Variants in TAFA2 observed in about 807,000 individuals in gnomAD.
TAFA2 encodes TAFA chemokine like family member 2, also known as chemokine-like protein TAFA-2.
A neutral mutation model predicts 18.8 loss-of-function variants in TAFA2; 7 were observed. That is an observed-to-expected ratio of 0.37 (90% confidence interval 0.21 to 0.70). The LOEUF is 0.70. Ranked by LOEUF, TAFA2 falls within the 30% of genes least tolerant of loss-of-function variation. TAFA2 has a pLI of 0.53. For missense variants in TAFA2, 122 were observed against 158.1 expected (o/e 0.77, Z 1.23); for synonymous variants, 60 against 54.2 (o/e 1.11, Z -0.47).
intron 1 of TAFA2, among the ~76,000 whole-genome samples, chr12:62,162,525 A>G (rs2062413199): frequency 2.0e-5 from 3 of 152,186 alleles, no homozygotes; most frequent in African/African-American, 7.2e-5. Context: ...TTTAATGTTT[A>G]TTCAATAATA....
chr12:61,984,289 C>T (rs1208936668), intron 1 of TAFA2, among the ~76,000 whole-genome samples: 1 of 152,152 alleles, frequency 6.6e-6, no homozygotes, highest in Non-Finnish European at 1.5e-5. Flanking sequence ...AACAAGAGAG[C>T]CCAGTCCATG....
chr12:62,202,346 G>GT lies in TAFA2; in HGVS notation c.-130+56416dup, dbSNP rs547794206. Among the ~76,000 whole-genome samples, 1,270 of 144,062 alleles carry GT rather than the reference G, an allele frequency of 8.8e-3. 4 individuals are homozygous for GT. The highest frequency in any genetic ancestry group is 0.033 in the Middle Eastern group (9 of 274). 94.5% of individuals were successfully genotyped at this position (144,062 alleles called of 152,430 possible). A position where few individuals can be genotyped will look rare whatever the true frequency, so the allele number is the denominator to read the frequency against. On this transcript the variant is annotated intron_variant, in intron 1 of 5. Coordinates refer to the TAFA2 transcript ENST00000551619. Reference sequence around the variant, plus strand: ...TGATGTTAGATTTGAGATCTTTCTAGTTTTTTTTTTTTCTTTTTGAGACAG... The same window carrying GT: ...TGATGTTAGATTTGAGATCTTTCTAGTTTTTTTTTTTTTCTTTTTGAGACAG...
chr12:61,930,873 C>T (rs916573984), intron 1 of TAFA2, among the ~76,000 whole-genome samples: 6 of 152,210 alleles, frequency 3.9e-5, no homozygotes, highest in Non-Finnish European at 5.9e-5. Context: ...GGGATTAGCA[C>T]TTCCTTTGAT....
intron 1 of TAFA2, chr12:62,021,947 C>A: frequency 1.4e-6 from 1 of 714,902 alleles, no homozygotes; most frequent in Non-Finnish European, 2.6e-6. Context: ...CCATGGCAGG[C>A]CCTCCTCACA....
chr12:61,976,398 T>TA (rs1193447355), intron 1 of TAFA2, among the ~76,000 whole-genome samples: 1 of 151,876 alleles, frequency 6.6e-6, no homozygotes, highest in African/African-American at 2.4e-5. Flanking sequence ...GATTTCACAA[T>TA]ACATGATTGG....
intron 1 of TAFA2, among the ~76,000 whole-genome samples, chr12:61,939,630 T>C (rs1262615200): frequency 6.6e-6 from 1 of 152,238 alleles, no homozygotes; most frequent in African/African-American, 2.4e-5. Context: ...CTTCATATGC[T>C]TGTTTTGTGG....
At chr12:61,712,618 TA>T (rs1869465562) in intron 4 of TAFA2, among the ~76,000 whole-genome samples, 1 of 152,066 alleles carries the variant, frequency 6.6e-6, no homozygotes. Flanking sequence ...AAACAAAACT[TA>T]AACATGACTA....
At chr12:62,221,837 T>A (rs1007231578) in intron 1 of TAFA2, among the ~76,000 whole-genome samples, 7 of 151,982 alleles carry the variant, frequency 4.6e-5, no homozygotes, top group African/African-American at 1.5e-4. Context: ...ATCTAGTACA[T>A]TAAGGTAAAG....
intron 1 of TAFA2, among the ~76,000 whole-genome samples, chr12:62,022,772 A>C (rs1035387331): frequency 6.6e-6 from 1 of 152,178 alleles, no homozygotes. Context: ...ATAGTTACAT[A>C]ATCACTCGTT....
Position 61,784,411 on chromosome 12 carries a change from C to T in TAFA2, c.107-29387G>A, listed in dbSNP as rs569938983. Among the ~76,000 whole-genome samples the T allele has an allele frequency of 1.5e-3, 225 of 151,660 alleles. 2 individuals carry two copies. The highest frequency in any genetic ancestry group is 4.8e-3 in the African/African-American group (201 of 41,472). On this transcript the variant is annotated intron_variant, in intron 2 of 4. Transcript: ENST00000416284. ...AGAAGGTGTGAGGCATAATCCATCTCTCGTCCTCAGAGTGGCTCAGATCAG... is the reference window on the plus strand; with the variant it reads ...AGAAGGTGTGAGGCATAATCCATCTTTCGTCCTCAGAGTGGCTCAGATCAG...
chr12:62,217,227 TTGGG>T lies in TAFA2; in HGVS notation c.-130+41532_-130+41535del, dbSNP rs1565781492. Among the ~76,000 whole-genome samples the T allele has an allele frequency of 3.9e-5, 6 of 152,196 alleles. 1 individual carries two copies. The highest frequency in any genetic ancestry group is 1.4e-4 in the African/African-American group (6 of 41,444). ...GCCCTGCAGCAGGTACAGGGAGTAC[TTGGG>T]CCATATGATCCAGCAGACCTTTCAG... On this transcript the variant is annotated intron_variant, in intron 1 of 5. Coordinates refer to the TAFA2 transcript ENST00000551619.
intron 2 of TAFA2, among the ~76,000 whole-genome samples, chr12:61,759,406 C>T (rs1483117488): frequency 6.6e-6 from 1 of 150,452 alleles, no homozygotes; most frequent in Non-Finnish European, 1.5e-5. Context: ...TATATGGAAG[C>T]TTTAAGAGCT....
At chr12:62,030,025 T>A (rs1881415408) in intron 1 of TAFA2, among the ~76,000 whole-genome samples, 1 of 152,066 alleles carries the variant, frequency 6.6e-6, no homozygotes, top group Non-Finnish European at 1.5e-5. Context: ...CTCATGTAAA[T>A]AAGGAATAAT....
chr12:61,908,513 C>G (rs1366682231), intron 1 of TAFA2, among the ~76,000 whole-genome samples: 1 of 151,994 alleles, frequency 6.6e-6, no homozygotes, highest in African/African-American at 2.4e-5. Flanking sequence ...ATAAATTACC[C>G]CATCTCTCAG....
At chr12:62,257,471 C>A (rs2062946381) in intron 1 of TAFA2, among the ~76,000 whole-genome samples, 1 of 152,024 alleles carries the variant, frequency 6.6e-6, no homozygotes, top group Admixed American at 6.6e-5. Context: ...AGTAAAAGAA[C>A]CTCTCTTAAA....
In TAFA2 at chr12:61,808,700, G is replaced by C. The variant is rs1476142717; in HGVS notation, c.107-53676C>G. Among the ~76,000 whole-genome samples, 8 of 151,468 alleles carry C rather than the reference G, an allele frequency of 5.3e-5. 1 individual carries two copies. The highest frequency in any genetic ancestry group is 2.0e-4 in the African/African-American group (8 of 40,792). ...TTTTCAGGATGAAAGTAACATTGAA[G>C]GACTTGGTCTGAAAGTAGTAATGCA... On this transcript the variant is annotated intron_variant, in intron 2 of 4. Transcript: ENST00000416284.
chr12:61,762,633 T>A (rs11833989), intron 2 of TAFA2, among the ~76,000 whole-genome samples: 9,502 of 147,546 alleles, frequency 0.064, 978 homozygotes, highest in African/African-American at 0.21. Context: ...ATTTCATTTT[T>A]TATATATATA....
intron 1 of TAFA2, among the ~76,000 whole-genome samples, chr12:62,103,365 A>T (rs1422008757): frequency 6.6e-6 from 1 of 152,212 alleles, no homozygotes; most frequent in East Asian, 1.9e-4. Flanking sequence ...CAGAACCAGC[A>T]ATGATCTGTT....
chr12:62,243,848 A>G (rs2136991044), intron 1 of TAFA2, among the ~76,000 whole-genome samples: 1 of 152,268 alleles, frequency 6.6e-6, no homozygotes, highest in Non-Finnish European at 1.5e-5. Flanking sequence ...TGGTAGCATC[A>G]TGGCTCACTG....
Sources: gnomAD v4.1 joint callset for allele counts (sites outside exome capture counted in the v4.1 genomes callset) on GRCh38, gnomAD v4.1.1 for gene constraint, MANE v1.5 for transcripts, NCBI Gene and HGNC (gene_info 2026-07-23, HGNC 2026-07-21) for gene names.